NFE2L2: variants seen among roughly 807,000 people sequenced by gnomAD.
NFE2L2 encodes the protein nuclear factor erythroid 2-related factor 2.
In NFE2L2, 20 loss-of-function variants were observed where a neutral mutation model predicts 49.6. That is an observed-to-expected ratio of 0.40 (90% CI 0.28 to 0.59). The LOEUF (loss-of-function observed/expected upper bound fraction) is 0.59, where lower values mean the gene tolerates loss of function less well. Among genes scored for constraint, NFE2L2 ranks in the 20% least tolerant of loss-of-function variants. The pLI, the probability that NFE2L2 is intolerant of heterozygous loss-of-function variation, is 0.40. For synonymous variants in NFE2L2, 244 were observed against 256.5 expected (o/e 0.95, Z 0.47); for missense variants, 578 against 714.2 (o/e 0.81, Z 2.17).
intron 1 of NFE2L2, chr2:177,263,739 G>A (rs923289640): frequency 2.0e-6 from 2 of 985,342 alleles, no homozygotes; most frequent in Non-Finnish European, 2.4e-6. Context: ...GCACTTTCCC[G>A]CGGCGTTACG....
chr2:177,240,111 T>G (rs928351364), intron 1 of NFE2L2, among the ~76,000 whole-genome samples: 17 of 152,188 alleles, frequency 1.1e-4, no homozygotes, highest in Non-Finnish European at 2.2e-4. Context: ...CCCAGCTCTC[T>G]GCAAGGCTCA....
chr2:177,239,006 A>G (rs891571537), intron 1 of NFE2L2, among the ~76,000 whole-genome samples: 2 of 152,228 alleles, frequency 1.3e-5, no homozygotes, highest in African/African-American at 4.8e-5. Flanking sequence ...ACACACACAC[A>G]TTCAATTGCC....
chr2:177,236,553 C>G (rs1368498485), intron 1 of NFE2L2, among the ~76,000 whole-genome samples: 1 of 152,116 alleles, frequency 6.6e-6, no homozygotes, highest in Non-Finnish European at 1.5e-5. Context: ...AGAAAACATT[C>G]CTGTTATACA....
chr2:177,261,224 C>A lies in NFE2L2; in HGVS notation c.45+3308G>T, dbSNP rs140249633. Among the ~76,000 whole-genome samples, 639 of 151,420 alleles carry A rather than the reference C, an allele frequency of 4.2e-3. 6 individuals are homozygous for A. The highest frequency in any genetic ancestry group is 0.015 in the African/African-American group (610 of 41,236). On this transcript the variant is annotated intron_variant, in intron 1 of 4. Transcript: ENST00000397062. ...ACAGTCCTGCCTTTCTAAATTGAAT[C>A]CACCGAGGCCTCTGTGTCTTCCTTA...
At chr2:177,240,490 T>C (rs919130033) in intron 1 of NFE2L2, among the ~76,000 whole-genome samples, 1 of 152,210 alleles carries the variant, frequency 6.6e-6, no homozygotes, top group African/African-American at 2.4e-5. Flanking sequence ...TCTTGTCCTT[T>C]AGTGATTCCT....
At chr2:177,263,832 G>C in intron 1 of NFE2L2, 1 of 985,550 alleles carries the variant, frequency 1.0e-6, no homozygotes, top group Non-Finnish European at 1.2e-6. Context: ...CCACACGTCG[G>C]GGCTTCTGAG....
At chr2:177,252,375 C>T (rs1030573515) in intron 1 of NFE2L2, among the ~76,000 whole-genome samples, 2 of 152,132 alleles carry the variant, frequency 1.3e-5, no homozygotes, top group Non-Finnish European at 2.9e-5. Context: ...GCTAGATGTC[C>T]ACATCTGTCT....
chr2:177,250,654 G>A (rs774192059), intron 1 of NFE2L2, among the ~76,000 whole-genome samples: 6 of 152,138 alleles, frequency 3.9e-5, no homozygotes, highest in Non-Finnish European at 5.9e-5. Context: ...TGAAGACATC[G>A]CCCCATCTGA....
In NFE2L2 at chr2:177,249,217, C is replaced by CATAAATAAATAAATAAATAA. The variant is rs71007982; in HGVS notation, c.46-14966_46-14947dup. Among the ~76,000 whole-genome samples the CATAAATAAATAAATAAATAA allele has an allele frequency of 1.7e-4, 25 of 146,050 alleles. No homozygotes were observed. The East Asian group carries it at 2.8e-3, about 16-fold the overall frequency. ...CTAGGCCACAGCAATACCCGGTCTC[C>CATAAATAAATAAATAAATAA]ATAAATAAATAAATAAATAAATAAA... On this transcript the variant is annotated intron_variant, in intron 1 of 4. Transcript: ENST00000397062.
chr2:177,245,577 C>A (rs768245050), intron 1 of NFE2L2, among the ~76,000 whole-genome samples: 11 of 151,970 alleles, frequency 7.2e-5, no homozygotes, highest in Non-Finnish European at 1.6e-4. Flanking sequence ...TTGAGCCTCA[C>A]TACAGTAGCA....
chr2:177,232,503 C>T lies in NFE2L2; in HGVS notation c.483G>A (p.Gln161=). 6.2e-7 allele frequency: 1 copy of T among 1,614,054 alleles called. No homozygotes were observed. Among genetic ancestry groups the T allele is most frequent in the South Asian group, 1.1e-5 (1 of 91,062 alleles). The change falls in exon 4 of 5, where the codon CAG becomes CAA. Residue 161 remains glutamine, a synonymous_variant. Transcript: ENST00000397062. ...CAACAGAAGTTTCAGGTGACTGAGC[C>T]TGATTAGTAGCAATGAAGACTGGGC... The part of the protein sequence containing the change: ...IESPVFIATN[Q]AQSPETSVAQ...
At chr2:177,253,832 T>C (rs963396454) in intron 1 of NFE2L2, among the ~76,000 whole-genome samples, 7 of 152,226 alleles carry the variant, frequency 4.6e-5, no homozygotes, top group Non-Finnish European at 1.0e-4. Context: ...CAATAGATTG[T>C]AAGAGAACAA....
chr2:177,248,720 T>C (rs1690222762), intron 1 of NFE2L2, among the ~76,000 whole-genome samples: 1 of 152,180 alleles, frequency 6.6e-6, no homozygotes, highest in Non-Finnish European at 1.5e-5. Context: ...CTGTACTCTT[T>C]TTTTTATTTT....
chr2:177,244,277 G>A (rs1196909656), intron 1 of NFE2L2, among the ~76,000 whole-genome samples: 3 of 151,764 alleles, frequency 2.0e-5, no homozygotes, highest in Admixed American at 6.6e-5. Context: ...ACTCCAGCCT[G>A]GGTGACAAGA....
At position 177,264,511 on chromosome 2, in the gene NFE2L2, C is replaced by T. The variant is rs994283488; in HGVS notation, c.45+21G>A. 33 of 1,523,370 alleles carry T rather than the reference C, an allele frequency of 2.2e-5. No individual in the cohort carries two copies. The African/African-American group carries it at 4.7e-4, about 22-fold the overall frequency. 94.4% of individuals were successfully genotyped at this position (1,523,370 alleles called of 1,614,324 possible). A position where few individuals can be genotyped will look rare whatever the true frequency, so the allele number is the denominator to read the frequency against. ...CCCCCGTCCCGGCACCACCGCAGGGCCCAGAGGGCCGAGGCAGCACCTGCT... is the reference window on the plus strand; with the variant it reads ...CCCCCGTCCCGGCACCACCGCAGGGTCCAGAGGGCCGAGGCAGCACCTGCT... On this transcript the variant is annotated intron_variant, in intron 1 of 4. Transcript: ENST00000397062.
intron 1 of NFE2L2, chr2:177,263,992 C>T (rs893480123): frequency 6.7e-5 from 65 of 975,124 alleles, no homozygotes; most frequent in Admixed American, 1.8e-4. Context: ...GCAGCCCGCA[C>T]TCAAGGAGGT....
chr2:177,249,553 T>C lies in NFE2L2; in HGVS notation c.45+14979A>G, dbSNP rs192095254. ...CTACTTGCAGCTAAAGCAGCACTAA[T>C]AGAAATATAATGCAATCCACATGGG... On this transcript the variant is annotated intron_variant, in intron 1 of 4. Transcript: ENST00000397062. Among the ~76,000 whole-genome samples, 19 of 152,350 alleles carry C rather than the reference T, an allele frequency of 1.2e-4. No individual in the cohort carries two copies. The East Asian group carries it at 3.3e-3, about 26-fold the overall frequency.
At chr2:177,242,084 G>C (rs557123164) in intron 1 of NFE2L2, among the ~76,000 whole-genome samples, 48 of 152,238 alleles carry the variant, frequency 3.2e-4, no homozygotes, top group African/African-American at 1.1e-3. Context: ...AAGAATTCTA[G>C]GTCATTCTTT....
intron 1 of NFE2L2, among the ~76,000 whole-genome samples, chr2:177,244,597 C>T (rs1473734573): frequency 1.3e-5 from 2 of 152,150 alleles, no homozygotes; most frequent in Non-Finnish European, 2.9e-5. Flanking sequence ...GTATAACTGG[C>T]CTACTGTGTG....
Sources: gnomAD v4.1 joint callset for allele counts (sites outside exome capture counted in the v4.1 genomes callset) on GRCh38, gnomAD v4.1.1 for gene constraint, MANE v1.5 for transcripts, NCBI Gene and HGNC (gene_info 2026-07-23, HGNC 2026-07-21) for gene names.